B4GALT6: variants seen among roughly 807,000 people sequenced by gnomAD.
B4GALT6 encodes the protein UDP-Gal:beta-GlcNAc beta-1,4-galactosyltransferase 6.
Under a neutral mutation model 46.3 loss-of-function variants are expected in B4GALT6, and 14 were observed. That is an observed-to-expected ratio of 0.30 (90% CI 0.20 to 0.47). The LOEUF is 0.47. Ranked by LOEUF, B4GALT6 falls within the 20% of genes least tolerant of loss-of-function variation. The pLI, the probability that B4GALT6 is intolerant of heterozygous loss-of-function variation, is 0.99. For synonymous variants in B4GALT6, 168 were observed against 162.0 expected (o/e 1.04, Z -0.28); for missense variants, 386 against 480.1 (o/e 0.80, Z 1.83).
chr18:31,675,871 G>A (rs1287686711), intron 1 of B4GALT6, among the ~76,000 whole-genome samples: 2 of 152,046 alleles, frequency 1.3e-5, no homozygotes, highest in African/African-American at 4.8e-5. Flanking sequence ...AGTAAAATGT[G>A]AACTATTTGA....
upstream of B4GALT6, chr18:31,685,703 G>A (rs2074541375): frequency 6.6e-6 from 1 of 152,228 alleles, no homozygotes; most frequent in African/African-American, 2.4e-5. Context: ...ATTGTACCCT[G>A]GGGGTACATA....
chr18:31,680,485 A>C (rs746980928), intron 1 of B4GALT6, among the ~76,000 whole-genome samples: 1 of 152,176 alleles, frequency 6.6e-6, no homozygotes, highest in African/African-American at 2.4e-5. Flanking sequence ...CAAATAACAA[A>C]GCACTCAGCC....
intron 1 of B4GALT6, among the ~76,000 whole-genome samples, chr18:31,669,981 T>C (rs1346404227): frequency 1.3e-5 from 2 of 152,128 alleles, no homozygotes; most frequent in East Asian, 3.9e-4. Context: ...AAGCATTATA[T>C]GCATTATTAT....
intron 4 of B4GALT6, among the ~76,000 whole-genome samples, chr18:31,644,437 G>A (rs1224150298): frequency 2.0e-5 from 3 of 151,692 alleles, no homozygotes; most frequent in African/African-American, 7.3e-5. Flanking sequence ...TCCTACTAGT[G>A]GTTTTTTTTG....
intron 6 of B4GALT6, among the ~76,000 whole-genome samples, chr18:31,629,710 C>T (rs1312005890): frequency 6.7e-6 from 1 of 149,978 alleles, no homozygotes; most frequent in Non-Finnish European, 1.5e-5. Flanking sequence ...ATTAGCCAGG[C>T]GTGGTGGCAG....
the B4GALT6 span, among the ~76,000 whole-genome samples, chr18:31,697,108 TA>T: frequency 1.3e-5 from 2 of 151,960 alleles, no homozygotes; most frequent in African/African-American, 2.4e-5. Context: ...CCATCTCTAC[TA>T]AAAAATACAA....
At chr18:31,656,027 C>T (rs1478819846) in intron 3 of B4GALT6, among the ~76,000 whole-genome samples, 1 of 152,246 alleles carries the variant, frequency 6.6e-6, no homozygotes, top group African/African-American at 2.4e-5. Context: ...GATTCTCAGG[C>T]CCGCTCCAGA....
intron 1 of B4GALT6, among the ~76,000 whole-genome samples, chr18:31,676,014 A>T (rs2074410204): frequency 6.6e-6 from 1 of 152,158 alleles, no homozygotes; most frequent in Admixed American, 6.5e-5. Context: ...GTAGGAAATG[A>T]ATTTCAAAGA....
At chr18:31,704,423 C>T in the B4GALT6 span, among the ~76,000 whole-genome samples, 1 of 151,972 alleles carries the variant, frequency 6.6e-6, no homozygotes, top group Non-Finnish European at 1.5e-5. Flanking sequence ...AGGCTGGTCT[C>T]GAATTCCTGA....
the B4GALT6 span, among the ~76,000 whole-genome samples, chr18:31,715,917 C>G: frequency 6.6e-6 from 1 of 151,970 alleles, no homozygotes; most frequent in Admixed American, 6.6e-5. Flanking sequence ...TGACTATTAC[C>G]TTCATTATGT....
At chr18:31,640,309 TTAAA>T (rs1157507088) in intron 4 of B4GALT6, among the ~76,000 whole-genome samples, 2 of 152,138 alleles carry the variant, frequency 1.3e-5, no homozygotes, top group Non-Finnish European at 2.9e-5. Flanking sequence ...CCTAATCCTT[TTAAA>T]ATCAGGACAT....
intron 6 of B4GALT6, among the ~76,000 whole-genome samples, chr18:31,629,446 G>GTTT (rs2073746542): frequency 2.8e-5 from 1 of 35,112 alleles, no homozygotes; most frequent in Non-Finnish European, 6.2e-5. Context: ...TGCCCTTTAT[G>GTTT]ATTTTTTTTT....
chr18:31,689,891 AC>A (rs2030052856), upstream of B4GALT6, among the ~76,000 whole-genome samples: 1 of 152,100 alleles, frequency 6.6e-6, no homozygotes, highest in African/African-American at 2.4e-5. Flanking sequence ...GGGCAACTCA[AC>A]CCTAGAGAGA....
the B4GALT6 span, among the ~76,000 whole-genome samples, chr18:31,724,029 A>AGAGGG: frequency 1.5e-4 from 22 of 145,806 alleles, 1 homozygote; most frequent in South Asian, 4.6e-3. Context: ...TCTTCCTCGC[A>AGAGGG]GAGGGGAGGG....
intron 6 of B4GALT6, among the ~76,000 whole-genome samples, 163 bp downstream of exon 6, chr18:31,630,796 C>T (rs1405681408): frequency 6.6e-6 from 1 of 152,158 alleles, no homozygotes; most frequent in African/African-American, 2.4e-5. Flanking sequence ...GAACGAAAAG[C>T]CACTCTGTGT....
At chr18:31,707,768 T>C in the B4GALT6 span, among the ~76,000 whole-genome samples, 1 of 152,168 alleles carries the variant, frequency 6.6e-6, no homozygotes, top group South Asian at 2.1e-4. Flanking sequence ...TGGAACTATA[T>C]TGAGCAGAAA....
At chr18:31,654,769 C>G (rs953878867) in intron 3 of B4GALT6, among the ~76,000 whole-genome samples, 3 of 151,984 alleles carry the variant, frequency 2.0e-5, no homozygotes. Flanking sequence ...TACACAAATC[C>G]CTTCTAATTA....
At chr18:31,666,403 T>A in intron 1 of B4GALT6, 31 bp from the exon 2 acceptor site, 1 of 1,087,120 alleles carries the variant, frequency 9.2e-7, no homozygotes, top group Non-Finnish European at 1.4e-6. Context: ...AAGAATGTCA[T>A]AACACAGTAA....
At chr18:31,705,200 C>T in the B4GALT6 span, among the ~76,000 whole-genome samples, 2 of 152,172 alleles carry the variant, frequency 1.3e-5, no homozygotes, top group African/African-American at 2.4e-5. Flanking sequence ...ATTTGCTTAA[C>T]ATTACCAAGT....
Sources: gnomAD v4.1 joint callset for allele counts (sites outside exome capture counted in the v4.1 genomes callset) on GRCh38, gnomAD v4.1.1 for gene constraint, MANE v1.5 for transcripts, NCBI Gene and HGNC (gene_info 2026-07-23, HGNC 2026-07-21) for gene names.